Variants in APOBEC1 observed in about 807,000 individuals in gnomAD.
The protein encoded by APOBEC1 is apolipoprotein B mRNA editing enzyme catalytic subunit 1, also known as C->U-editing enzyme APOBEC-1.
A neutral mutation model predicts 26.3 loss-of-function variants in APOBEC1; 22 were observed. The observed-to-expected ratio is 0.84, with a 90% confidence interval of 0.60 to 1.19. The LOEUF is 1.19. Ranked by LOEUF, APOBEC1 falls within the 50% of genes most tolerant of loss-of-function variation. The pLI is 0.00. For missense variants in APOBEC1, 253 were observed against 289.0 expected (o/e 0.88, Z 0.90); for synonymous variants, 77 against 95.3 (o/e 0.81, Z 1.12).
chr12:7,665,176 G>A (rs7973596), intron 1 of APOBEC1, among the ~76,000 whole-genome samples: 18,905 of 152,162 alleles, frequency 0.12, 1,233 homozygotes, highest in South Asian at 0.22. Context: ...TTCTAACACT[G>A]ACTGTGCACA....
chr12:7,658,769 A>G (rs1466237908), intron 1 of APOBEC1, among the ~76,000 whole-genome samples: 1 of 151,916 alleles, frequency 6.6e-6, no homozygotes, highest in African/African-American at 2.4e-5. Flanking sequence ...CCTGACCAAC[A>G]TGGCGAAACC....
chr12:7,652,047 C>CT (rs1565439590), intron 3 of APOBEC1, among the ~76,000 whole-genome samples: 1 of 152,174 alleles, frequency 6.6e-6, no homozygotes, highest in East Asian at 1.9e-4. Context: ...TGGTCTCCAT[C>CT]TCCTGATCTC....
chr12:7,663,958 G>A lies in APOBEC1; in HGVS notation c.16+1899C>T, dbSNP rs112911871. ...TGCAACCTCCGCCTCCCTGGTTCAA[G>A]TGATTCTCCTGCCTTGGCCTCCCAA... On this transcript the variant is annotated intron_variant, in intron 1 of 4. Coordinates refer to ENST00000229304, the MANE Select transcript of APOBEC1 (RefSeq NM_001644.5). Among the ~76,000 whole-genome samples, 535 of 152,196 alleles carry A rather than the reference G, an allele frequency of 3.5e-3. 7 individuals carry two copies. Among genetic ancestry groups the A allele is most frequent in the African/African-American group, 0.012 (508 of 41,520 alleles).
At chr12:7,668,565 T>C (rs1391036387), upstream of APOBEC1, among the ~76,000 whole-genome samples, 2 of 152,156 alleles carry the variant, frequency 1.3e-5, no homozygotes, top group African/African-American at 4.8e-5. Flanking sequence ...ATGTGGTTAA[T>C]TATTTGTAAG....
At chr12:7,649,810 T>G in intron 4 of APOBEC1, 114 bp from the exon 5 acceptor site, 8 of 917,088 alleles carry the variant, frequency 8.7e-6, no homozygotes, top group Non-Finnish European at 1.3e-5. Context: ...ATTTCTTCTT[T>G]TTTTTTTTTC....
intron 1 of APOBEC1, among the ~76,000 whole-genome samples, chr12:7,660,334 G>GGAA (rs1555094860): frequency 7.8e-4 from 28 of 35,756 alleles, no homozygotes; most frequent in East Asian, 9.8e-4. Flanking sequence ...AAGGAAGGAA[G>GGAA]GGAAGGAAGG....
chr12:7,651,213 C>T (rs1444150995), intron 3 of APOBEC1, 72 bp from the exon 4 acceptor site: 1 of 1,065,272 alleles, frequency 9.4e-7, no homozygotes, highest in South Asian at 1.3e-5. Flanking sequence ...CCCAACCTAG[C>T]TTCCCGTATA....
intron 1 of APOBEC1, among the ~76,000 whole-genome samples, chr12:7,660,375 G>GAAAGAAAAA (rs1555094887): frequency 1.6e-3 from 38 of 23,966 alleles, no homozygotes; most frequent in East Asian, 0.011. Flanking sequence ...AAGGAAGGAA[G>GAAAGAAAAA]GAAAGAAAGA....
intron 1 of APOBEC1, among the ~76,000 whole-genome samples, chr12:7,665,651 A>G (rs1164872933): frequency 6.6e-6 from 1 of 151,906 alleles, no homozygotes; most frequent in African/African-American, 2.4e-5. Flanking sequence ...AGTCACTTGG[A>G]GATGTAAATA....
intron 1 of APOBEC1, among the ~76,000 whole-genome samples, chr12:7,663,022 T>C (rs1863842081): frequency 6.6e-6 from 1 of 152,046 alleles, no homozygotes; most frequent in Non-Finnish European, 1.5e-5. Context: ...ACTCAGAGGC[T>C]TGGGGATGTT....
chr12:7,659,231 T>G (rs1863762195), intron 1 of APOBEC1, among the ~76,000 whole-genome samples: 1 of 122,794 alleles, frequency 8.1e-6, no homozygotes, highest in African/African-American at 3.2e-5. Context: ...GAGGTGGAGG[T>G]TGTAGTGAGC....
intron 4 of APOBEC1, among the ~76,000 whole-genome samples, chr12:7,649,936 C>T (rs1332952921): frequency 6.6e-6 from 1 of 152,082 alleles, no homozygotes; most frequent in Non-Finnish European, 1.5e-5. Flanking sequence ...CCACCTCAGC[C>T]TCCCAAGTAG....
chr12:7,650,962 A>G lies in APOBEC1; in HGVS notation c.561+61T>C, dbSNP rs757895062. 3.0e-4 allele frequency: 368 copies of G among 1,242,302 alleles called. 5 individuals are homozygous for G. In the South Asian group the frequency reaches 4.4e-3, roughly 15 times the overall value. The allele number at this position is 1,242,302 out of a possible 1,614,324, so 77.0% of individuals were successfully genotyped here. A position where few individuals can be genotyped will look rare whatever the true frequency, so the allele number is the denominator to read the frequency against. ...AGATATGAGTCAAATTTTCTCAGGA[A>G]AGACCTTTGAAGAAGGATGCTTCTT... On this transcript the variant is annotated intron_variant, in intron 4 of 4. Transcript: ENST00000229304.
chr12:7,654,177 A>C lies in APOBEC1; in HGVS notation c.44+428T>G, dbSNP rs778638357. ...GCTATAAAAGCATGCGATTTAAAAA[A>C]AGAAGAGAAATTGTAAGACAATAAC... On this transcript the variant is annotated intron_variant, in intron 2 of 4. Coordinates refer to ENST00000229304, the MANE Select transcript of APOBEC1 (RefSeq NM_001644.5). 2.6e-5 allele frequency among the ~76,000 whole-genome samples: 4 copies of C among 152,352 alleles called. No homozygotes were observed. The East Asian group carries it at 7.7e-4, about 29-fold the overall frequency.
intron 1 of APOBEC1, among the ~76,000 whole-genome samples, chr12:7,659,020 C>T (rs371656700): frequency 5.6e-5 from 8 of 142,494 alleles, no homozygotes; most frequent in East Asian, 2.1e-4. Context: ...ATAGGCCGGG[C>T]GCGGTGGCTC....
At chr12:7,653,172 C>T (rs772991611) in intron 2 of APOBEC1, among the ~76,000 whole-genome samples, 1 of 151,950 alleles carries the variant, frequency 6.6e-6, no homozygotes, top group Admixed American at 6.6e-5. Flanking sequence ...CCTTGTGATT[C>T]GCCCACCTCA....
At chr12:7,666,963 G>A (rs1469360037), upstream of APOBEC1, among the ~76,000 whole-genome samples, 1 of 150,580 alleles carries the variant, frequency 6.6e-6, no homozygotes, top group Non-Finnish European at 1.5e-5. Context: ...CCAGGCTGAA[G>A]TGCAATGGCG....
At chr12:7,655,909 G>A (rs769768777) in intron 1 of APOBEC1, among the ~76,000 whole-genome samples, 2 of 152,314 alleles carry the variant, frequency 1.3e-5, no homozygotes, top group Admixed American at 6.5e-5. Flanking sequence ...GAGCCCAGGA[G>A]TTCCAGGTTA....
chr12:7,656,378 T>C (rs1863715794), intron 1 of APOBEC1, among the ~76,000 whole-genome samples: 2 of 152,050 alleles, frequency 1.3e-5, no homozygotes, highest in South Asian at 4.2e-4. Context: ...GGCTTTGGAG[T>C]GATCTAAGCA....
Sources: gnomAD v4.1 joint callset for allele counts (sites outside exome capture counted in the v4.1 genomes callset) on GRCh38, gnomAD v4.1.1 for gene constraint, MANE v1.5 for transcripts, NCBI Gene and HGNC (gene_info 2026-07-23, HGNC 2026-07-21) for gene names.